The following FGF13 variants were observed in gnomAD, a reference collection of about 807,000 sequenced individuals.
FGF13 encodes the protein fibroblast growth factor 13.
FGF13 carries 2 observed loss-of-function variants against 19.5 expected under a neutral mutation model. That is an observed-to-expected ratio of 0.10 (90% CI 0.04 to 0.32). The LOEUF is 0.32. Ranked by LOEUF, FGF13 falls within the 10% of genes least tolerant of loss-of-function variation. The probability of loss-of-function intolerance (pLI) is 1.00; values close to 1 mark genes in which losing one functional copy is unlikely to be tolerated. For missense variants in FGF13, 113 were observed against 192.7 expected, an observed-to-expected ratio of 0.59 and a Z score of 2.45; for synonymous variants, 72 against 76.9, an observed-to-expected ratio of 0.94 and a Z score of 0.33.
At chrX:138,911,602 C>A (rs767358437) in intron 1 of FGF13, among the ~76,000 whole-genome samples, 1 of 111,200 alleles carries the variant, frequency 9.0e-6, no homozygotes, top group Admixed American at 9.5e-5. Context: ...CACATGTACC[C>A]CTGAAATTAA....
intron 1 of FGF13, among the ~76,000 whole-genome samples, chrX:139,056,709 A>G (rs972894742): frequency 8.9e-6 from 1 of 112,112 alleles, no homozygotes; most frequent in East Asian, 2.8e-4. Context: ...AATCATGATC[A>G]GAGTATAAAA....
intron 1 of FGF13, among the ~76,000 whole-genome samples, chrX:138,971,774 G>A (rs1392863692): frequency 4.5e-5 from 5 of 110,953 alleles, no homozygotes; most frequent in African/African-American, 1.6e-4. Context: ...ATTGTTCACT[G>A]AGCACTCTGC....
intron 1 of FGF13, among the ~76,000 whole-genome samples, chrX:139,180,317 G>A (rs933894735): frequency 8.9e-6 from 1 of 111,969 alleles, no homozygotes; most frequent in African/African-American, 3.2e-5. Flanking sequence ...CAAAGGCCAT[G>A]CATCATCAAT....
At chrX:138,950,242 G>A (rs750080786) in intron 1 of FGF13, among the ~76,000 whole-genome samples, 1 of 111,789 alleles carries the variant, frequency 8.9e-6, no homozygotes, top group South Asian at 3.7e-4. Context: ...CCTGAACACA[G>A]AAGAGAAATC....
chrX:138,787,439 T>A (rs1321204886), intron 3 of FGF13, among the ~76,000 whole-genome samples: 2 of 112,395 alleles, frequency 1.8e-5, no homozygotes, highest in African/African-American at 3.2e-5. Flanking sequence ...ATAGTTGGGT[T>A]CTGGTGAGAG....
At chrX:138,778,853 C>G (rs1041843247) in intron 3 of FGF13, among the ~76,000 whole-genome samples, 1 of 112,702 alleles carries the variant, frequency 8.9e-6, no homozygotes, top group South Asian at 3.6e-4. Context: ...TAGGCTCCAC[C>G]TCTGGGGGCA....
intron 1 of FGF13, among the ~76,000 whole-genome samples, chrX:139,080,242 T>C (rs968925639): frequency 8.9e-6 from 1 of 111,742 alleles, no homozygotes; most frequent in African/African-American, 3.3e-5. Flanking sequence ...CTCCTTGCTG[T>C]GACATTTAGG....
intron 1 of FGF13, among the ~76,000 whole-genome samples, chrX:139,156,572 G>C (rs1309030427): frequency 8.9e-6 from 1 of 112,813 alleles, no homozygotes; most frequent in Admixed American, 9.4e-5. Flanking sequence ...CCAACAGCCA[G>C]TTAGAAACCG....
chrX:139,202,013 T>C (rs112103649), intron 1 of FGF13, among the ~76,000 whole-genome samples: 2 of 112,510 alleles, frequency 1.8e-5, no homozygotes, highest in African/African-American at 6.5e-5. Context: ...AGGTATGTGG[T>C]TTCAAATGTG....
At chrX:138,760,823 G>C (rs1179213877) in intron 3 of FGF13, among the ~76,000 whole-genome samples, 3 of 111,776 alleles carry the variant, frequency 2.7e-5, no homozygotes, top group Non-Finnish European at 3.8e-5. Flanking sequence ...CACAGAGCCA[G>C]ATTAGAATCC....
chrX:139,069,425 G>A (rs1213782635), intron 1 of FGF13, among the ~76,000 whole-genome samples: 2 of 81,447 alleles, frequency 2.5e-5, no homozygotes, highest in Non-Finnish European at 2.4e-5. Context: ...AGATCACATG[G>A]ACACAGGAAG....
chrX:138,820,772 T>C (rs2090994784), intron 3 of FGF13, among the ~76,000 whole-genome samples: 1 of 111,665 alleles, frequency 9.0e-6, no homozygotes. Flanking sequence ...TGGCATTTGA[T>C]CTGGGTTCTG....
intron 1 of FGF13, among the ~76,000 whole-genome samples, chrX:138,946,554 G>A (rs752150408): frequency 8.9e-5 from 10 of 111,859 alleles, no homozygotes; most frequent in Middle Eastern, 9.2e-3. Flanking sequence ...CTCAATTATT[G>A]CATATGGAAA....
At chrX:138,864,296 C>T (rs1211664671) in intron 2 of FGF13, among the ~76,000 whole-genome samples, 1 of 112,798 alleles carries the variant, frequency 8.9e-6, no homozygotes, top group East Asian at 2.8e-4. Flanking sequence ...CCATACAATG[C>T]AGACCAGGAA....
chrX:138,724,134 G>A, intron 1 of FGF13, among the ~76,000 whole-genome samples: 1 of 111,955 alleles, frequency 8.9e-6, no homozygotes, highest in Admixed American at 9.5e-5. Context: ...CTGGAAGACA[G>A]AAATAAGACA....
chrX:139,013,868 G>A (rs2092142112), intron 1 of FGF13, among the ~76,000 whole-genome samples: 1 of 109,394 alleles, frequency 9.1e-6, no homozygotes, highest in Non-Finnish European at 1.9e-5. Flanking sequence ...GTTCCCCAAA[G>A]ACCTACTGAA....
chrX:138,951,626 G>C (rs1320149241), intron 1 of FGF13, among the ~76,000 whole-genome samples: 1 of 111,388 alleles, frequency 9.0e-6, no homozygotes, highest in Non-Finnish European at 1.9e-5. Flanking sequence ...GTGGCCAATA[G>C]GACATGAAAC....
At chrX:138,768,427 G>A (rs1223911486) in intron 3 of FGF13, among the ~76,000 whole-genome samples, 1 of 110,142 alleles carries the variant, frequency 9.1e-6, no homozygotes, top group Non-Finnish European at 1.9e-5. Context: ...AGTGACCACA[G>A]TGGCTCTTTT....
chrX:138,933,306 G>A lies in FGF13; in HGVS notation c.-112-68656C>T, dbSNP rs763821795. Among the ~76,000 whole-genome samples, 14 of 111,875 alleles carry A rather than the reference G, an allele frequency of 1.3e-4. No homozygotes were observed. The South Asian group carries it at 2.3e-3, about 18-fold the overall frequency. On this transcript the variant is annotated intron_variant, in intron 1 of 2. Coordinates refer to the FGF13 transcript ENST00000421460. Reference sequence around the variant, plus strand: ...TTTTTAAGAAAACCAAAAATATTTGGAGGAGAACAGCAACAGACTTGTGGA... The same window carrying A: ...TTTTTAAGAAAACCAAAAATATTTGAAGGAGAACAGCAACAGACTTGTGGA...
Sources: allele counts gnomAD v4.1 joint callset (sites outside exome capture counted in the v4.1 genomes callset), GRCh38; gene constraint gnomAD v4.1.1; transcripts MANE v1.5; gene names NCBI Gene and HGNC (gene_info 2026-07-23, HGNC 2026-07-21).